ZNF385B: variants seen among roughly 807,000 people sequenced by gnomAD.
ZNF385B encodes zinc finger protein 533.
A neutral mutation model predicts 39.2 loss-of-function variants in ZNF385B; 23 were observed. The ratio of observed to expected loss-of-function variants is 0.59; its 90% CI spans 0.42 to 0.83. ZNF385B has a LOEUF of 0.83. ZNF385B is among the 40% of genes least tolerant of loss of function. The probability of loss-of-function intolerance (pLI) is 0.00; values close to 1 mark genes in which losing one functional copy is unlikely to be tolerated. For missense variants in ZNF385B, 552 were observed against 598.9 expected (o/e 0.92, Z 0.82); for synonymous variants, 205 against 222.6 (o/e 0.92, Z 0.70).
chr2:179,487,256 C>G (rs140537417), intron 5 of ZNF385B, among the ~76,000 whole-genome samples: 2 of 152,364 alleles, frequency 1.3e-5, no homozygotes, highest in East Asian at 3.9e-4. Flanking sequence ...GCTTCGAGTT[C>G]AGGGTCAGGG....
At chr2:179,526,736 C>T (rs1229924017) in intron 4 of ZNF385B, among the ~76,000 whole-genome samples, 3 of 152,224 alleles carry the variant, frequency 2.0e-5, no homozygotes, top group African/African-American at 7.2e-5. Flanking sequence ...TTCTCCTACC[C>T]AGAGCACCCT....
At chr2:179,627,905 A>G (rs1515274) in intron 3 of ZNF385B, among the ~76,000 whole-genome samples, 23,433 of 152,098 alleles carry the variant, frequency 0.15, 1,951 homozygotes, top group East Asian at 0.25. Context: ...TTTGCCTACC[A>G]TGAAACAAAC....
At chr2:179,456,149 T>C (rs1229034069) in intron 6 of ZNF385B, among the ~76,000 whole-genome samples, 1 of 152,220 alleles carries the variant, frequency 6.6e-6, no homozygotes, top group African/African-American at 2.4e-5. Flanking sequence ...ACCAGTTATA[T>C]AAACAGCATT....
At chr2:179,571,768 C>A (rs1420503960) in intron 3 of ZNF385B, among the ~76,000 whole-genome samples, 1 of 152,006 alleles carries the variant, frequency 6.6e-6, no homozygotes, top group East Asian at 1.9e-4. Flanking sequence ...ATCTCTAGAA[C>A]AAATCCAGAT....
chr2:179,566,264 A>G (rs1684566247), intron 3 of ZNF385B, among the ~76,000 whole-genome samples: 1 of 152,246 alleles, frequency 6.6e-6, no homozygotes, highest in African/African-American at 2.4e-5. Flanking sequence ...TCAGTACTCT[A>G]GAATCCAGAA....
At chr2:179,792,877 G>C (rs1292164118) in intron 1 of ZNF385B, among the ~76,000 whole-genome samples, 3 of 152,172 alleles carry the variant, frequency 2.0e-5, no homozygotes, top group Non-Finnish European at 4.4e-5. Context: ...AGATTTTTGA[G>C]CTCTGTTTGC....
chr2:179,776,785 C>T (rs964486906), intron 1 of ZNF385B, among the ~76,000 whole-genome samples: 10 of 151,864 alleles, frequency 6.6e-5, no homozygotes, highest in Admixed American at 2.0e-4. Context: ...ATGTTCAGGG[C>T]GGGAAAACTG....
chr2:179,701,916 G>A (rs916332691), intron 3 of ZNF385B, among the ~76,000 whole-genome samples: 10 of 152,204 alleles, frequency 6.6e-5, no homozygotes, highest in African/African-American at 1.9e-4. Flanking sequence ...ACCAATCCAA[G>A]TATAAACTGT....
chr2:179,518,630 A>G lies in ZNF385B; in HGVS notation c.450T>C (p.Pro150=). 3.2e-6 allele frequency: 5 copies of G among 1,580,446 alleles called. No individual in the cohort carries two copies. The highest frequency in any genetic ancestry group is 4.3e-6 in the Non-Finnish European group (5 of 1,167,424). The part of the protein sequence containing the change: ...GLFPNFNTMD[P]VQKAVINHTF... ...TATGGTTAATAACCGCTTTTTGCAC[A>G]GGATCCATCTGAAGAACAAATGAAA... The change falls in exon 5 of 10, where the codon CCT becomes CCC. Residue 150 remains proline, a synonymous_variant. Transcript: ENST00000410066.
intron 3 of ZNF385B, among the ~76,000 whole-genome samples, chr2:179,618,236 T>C (rs1370810444): frequency 6.6e-6 from 1 of 152,206 alleles, no homozygotes; most frequent in Non-Finnish European, 1.5e-5. Flanking sequence ...ATAATTTTAG[T>C]AGCAAAGTCT....
intron 1 of ZNF385B, among the ~76,000 whole-genome samples, chr2:179,828,310 G>A (rs7601013): frequency 0.26 from 38,913 of 151,896 alleles, 5,224 homozygotes; most frequent in Non-Finnish European, 0.29. Context: ...TAGGATAAGA[G>A]GTAAAAATAC....
At chr2:179,675,948 C>T (rs1051853730) in intron 3 of ZNF385B, among the ~76,000 whole-genome samples, 13 of 151,742 alleles carry the variant, frequency 8.6e-5, no homozygotes, top group African/African-American at 2.4e-4. Context: ...CCACCACACC[C>T]GGCTAATTTT....
At chr2:179,663,753 C>T (rs1694800257) in intron 3 of ZNF385B, among the ~76,000 whole-genome samples, 2 of 143,164 alleles carry the variant, frequency 1.4e-5, no homozygotes, top group South Asian at 4.4e-4. Context: ...ATGAAAGAAT[C>T]TCTCATTATC....
intron 3 of ZNF385B, among the ~76,000 whole-genome samples, chr2:179,746,308 T>G (rs553322111): frequency 6.6e-6 from 1 of 152,190 alleles, no homozygotes; most frequent in Non-Finnish European, 1.5e-5. Context: ...CGAGGACTTA[T>G]AAAGGCTGCA....
At chr2:179,719,180 C>T (rs777367689) in intron 3 of ZNF385B, among the ~76,000 whole-genome samples, 2 of 152,072 alleles carry the variant, frequency 1.3e-5, no homozygotes, top group Non-Finnish European at 2.9e-5. Context: ...CATGAGCCCA[C>T]CCCAGGTTTC....
intron 6 of ZNF385B, among the ~76,000 whole-genome samples, chr2:179,477,901 C>G (rs2053599758): frequency 6.6e-6 from 1 of 152,198 alleles, no homozygotes; most frequent in South Asian, 2.1e-4. Context: ...ATGGTCCCTT[C>G]ACTGCCACAG....
Position 179,483,448 on chromosome 2 carries a change from C to T in ZNF385B, c.553-14G>A, listed in dbSNP as rs1379658654. On this transcript the variant is annotated splice_polypyrimidine_tract_variant and intron_variant, in intron 5 of 9. Transcript: ENST00000410066. The stretch of plus-strand genomic sequence containing the variant: ...CTCGGCCTGGCTCTACAAAGGAGAA[C>T]AAATCAGGCTCATTTTTTTGCTAAT... The T allele has an allele frequency of 9.9e-6, 16 of 1,613,288 alleles. No individual in the cohort carries two copies. The highest frequency in any genetic ancestry group is 1.3e-5 in the Non-Finnish European group (15 of 1,179,594).
chr2:179,764,979 A>G (rs1385084129), intron 3 of ZNF385B, among the ~76,000 whole-genome samples: 2 of 152,220 alleles, frequency 1.3e-5, no homozygotes, highest in East Asian at 3.9e-4. Context: ...TCCTCAGACT[A>G]GAACTATACC....
intron 3 of ZNF385B, among the ~76,000 whole-genome samples, chr2:179,720,366 A>G (rs1276335334): frequency 7.0e-6 from 1 of 143,670 alleles, no homozygotes; most frequent in African/African-American, 2.5e-5. Flanking sequence ...ATCCAAAAGC[A>G]TGAAAAAGGA....
Sources: gnomAD v4.1 joint callset for allele counts (sites outside exome capture counted in the v4.1 genomes callset) on GRCh38, gnomAD v4.1.1 for gene constraint, MANE v1.5 for transcripts, NCBI Gene and HGNC (gene_info 2026-07-23, HGNC 2026-07-21) for gene names.